MYMX: variants seen among roughly 807,000 people sequenced by gnomAD.
MYMX encodes the protein myomixer, myoblast fusion factor, also known as protein myomixer.
the MYMX span, chr6:44,210,045 A>C: frequency 6.9e-6 from 1 of 143,960 alleles, no homozygotes; most frequent in East Asian, 2.2e-4. Context: ...CTCCTGGTTC[A>C]CGCCATTCTC....
the MYMX span, among the ~76,000 whole-genome samples, chr6:44,195,608 T>C: frequency 1.3e-5 from 2 of 151,990 alleles, no homozygotes; most frequent in African/African-American, 4.8e-5. Context: ...TTGGGATTAC[T>C]GGCATGAGCC....
At chr6:44,210,413 T>G in the MYMX span, among the ~76,000 whole-genome samples, 1 of 152,084 alleles carries the variant, frequency 6.6e-6, no homozygotes, top group East Asian at 1.9e-4. Flanking sequence ...CTCAGCCTCC[T>G]GAGTAGCAGA....
rs1393982561 is a variant in MYMX, at chr6:44,217,480, G to A, written c.9G>A (p.Thr3=). The A allele has an allele frequency of 5.0e-6, 2 of 403,376 alleles. No individual in the cohort carries two copies. The highest frequency in any genetic ancestry group is 2.1e-5 in the African/African-American group (1 of 48,752). The allele number at this position is 403,376 out of a possible 1,614,324, so 25.0% of individuals were successfully genotyped here. ...GACTCACTGGCCCTGCCATGCCCACGCCACTGCTCCCGCTGCTGCTTCGAT... is the reference window on the plus strand; with the variant it reads ...GACTCACTGGCCCTGCCATGCCCACACCACTGCTCCCGCTGCTGCTTCGAT... MP[T]PLLPLLLRLL... is the part of the protein sequence containing the mutation. Residue 3 remains threonine (T), a synonymous_variant, in exon 2 of 2, where the codon ACG becomes ACA. Coordinates refer to ENST00000573382, the MANE Select transcript of MYMX (RefSeq NM_001315494.2).
chr6:44,216,420 C>T (rs1005900668), upstream of MYMX, among the ~76,000 whole-genome samples: 3 of 151,866 alleles, frequency 2.0e-5, no homozygotes, highest in Non-Finnish European at 4.4e-5. Context: ...GAGGTCGAGG[C>T]GGGTGGATCA....
At chr6:44,215,310 C>T (rs139959916), upstream of MYMX, among the ~76,000 whole-genome samples, 1,524 of 152,296 alleles carry the variant, frequency 0.01, 29 homozygotes, top group African/African-American at 0.035. Flanking sequence ...CAGTGGCTCA[C>T]GCCTGTAATC....
At chr6:44,211,707 T>C in the MYMX span, among the ~76,000 whole-genome samples, 1 of 151,264 alleles carries the variant, frequency 6.6e-6, no homozygotes, top group South Asian at 2.1e-4. Flanking sequence ...AACTTCTGCC[T>C]CCCAGGTTCA....
the MYMX span, among the ~76,000 whole-genome samples, chr6:44,205,654 C>T: frequency 6.6e-6 from 1 of 151,914 alleles, no homozygotes; most frequent in Non-Finnish European, 1.5e-5. Context: ...ACTAAAAATA[C>T]AGAAATTAGC....
chr6:44,198,154 C>CTTTTTTT, the MYMX span, among the ~76,000 whole-genome samples: 1 of 79,770 alleles, frequency 1.3e-5, no homozygotes, highest in African/African-American at 5.5e-5. Context: ...CCAAATTCCT[C>CTTTTTTT]TTTTTTTTTT....
chr6:44,198,427 A>G, the MYMX span, among the ~76,000 whole-genome samples: 2 of 152,182 alleles, frequency 1.3e-5, no homozygotes, highest in South Asian at 4.1e-4. Context: ...GGCCTCCCAA[A>G]GTGCTGGGAT....
At chr6:44,196,045 C>T in the MYMX span, among the ~76,000 whole-genome samples, 134 of 152,148 alleles carry the variant, frequency 8.8e-4, no homozygotes, top group Non-Finnish European at 1.6e-3. Context: ...CAGGTTCAAG[C>T]GATTCCCCTG....
the MYMX span, among the ~76,000 whole-genome samples, chr6:44,192,843 T>C: frequency 6.6e-6 from 1 of 152,210 alleles, no homozygotes. Flanking sequence ...CTGCCTCTCC[T>C]ACTGACCATA....
upstream of MYMX, among the ~76,000 whole-genome samples, chr6:44,216,714 C>T (rs1210105948): frequency 2.0e-5 from 3 of 151,622 alleles, no homozygotes; most frequent in East Asian, 5.8e-4. Flanking sequence ...TGGGTTCCAA[C>T]TCGAGGGAAA....
At chr6:44,213,715 C>T (rs560869499), upstream of MYMX, among the ~76,000 whole-genome samples, 212 of 152,306 alleles carry the variant, frequency 1.4e-3, no homozygotes, top group African/African-American at 4.1e-3. Context: ...CCACTGCACC[C>T]GGTCTCTAGT....
the MYMX span, among the ~76,000 whole-genome samples, chr6:44,205,237 A>G: frequency 3.4e-5 from 5 of 145,896 alleles, no homozygotes; most frequent in African/African-American, 1.3e-4. Flanking sequence ...TCGTTCTTTG[A>G]AAAAAAAAAA....
At chr6:44,208,433 C>A in the MYMX span, among the ~76,000 whole-genome samples, 1 of 152,078 alleles carries the variant, frequency 6.6e-6, no homozygotes, top group African/African-American at 2.4e-5. Flanking sequence ...TCCAAATCCA[C>A]CATAAATCCC....
chr6:44,204,429 A>C, the MYMX span, among the ~76,000 whole-genome samples: 2 of 152,228 alleles, frequency 1.3e-5, no homozygotes, highest in African/African-American at 4.8e-5. Context: ...ATACCACTCC[A>C]AAACAGAACT....
At chr6:44,208,692 T>C in the MYMX span, among the ~76,000 whole-genome samples, 1 of 152,284 alleles carries the variant, frequency 6.6e-6, no homozygotes, top group South Asian at 2.1e-4. Flanking sequence ...CTGGGACATA[T>C]AGGTTGAGTT....
chr6:44,210,443 C>T, the MYMX span, among the ~76,000 whole-genome samples: 1 of 152,016 alleles, frequency 6.6e-6, no homozygotes, highest in Admixed American at 6.6e-5. Flanking sequence ...CCACTCCTGG[C>T]TGATGGTTTT....
At chr6:44,205,036 G>C in the MYMX span, among the ~76,000 whole-genome samples, 1 of 152,092 alleles carries the variant, frequency 6.6e-6, no homozygotes, top group South Asian at 2.1e-4. Flanking sequence ...TGGTTTATTT[G>C]ATTTGGCCAA....
Sources: allele counts gnomAD v4.1 joint callset (sites outside exome capture counted in the v4.1 genomes callset), GRCh38; gene constraint gnomAD v4.1.1; transcripts MANE v1.5; gene names NCBI Gene and HGNC (gene_info 2026-07-23, HGNC 2026-07-21).